Variants in BANK1 observed in about 807,000 individuals in gnomAD.
BANK1 encodes the protein B-cell scaffold protein with ankyrin repeats.
In BANK1, 95 loss-of-function variants were observed where a neutral mutation model predicts 94.5. That is an observed-to-expected ratio of 1.00 (90% CI 0.85 to 1.19). The LOEUF (loss-of-function observed/expected upper bound fraction) is 1.19. Ranked by LOEUF, BANK1 falls within the 50% of genes most tolerant of loss-of-function variation. The pLI, the probability that BANK1 is intolerant of heterozygous loss-of-function variation, is 0.00. For synonymous variants in BANK1, 334 were observed against 308.4 expected (o/e 1.08, Z -0.87); for missense variants, 987 against 932.2 (o/e 1.06, Z -0.77).
chr4:102,012,090 A>G (rs1470589296), intron 7 of BANK1, among the ~76,000 whole-genome samples: 1 of 152,194 alleles, frequency 6.6e-6, no homozygotes, highest in Non-Finnish European at 1.5e-5. Context: ...TTAATGATAC[A>G]TGCATTCTTA....
chr4:102,073,666 ATCTT>A lies in BANK1; in HGVS notation c.2299-16_2299-13del. On this transcript the variant is annotated splice_polypyrimidine_tract_variant and intron_variant, in intron 15 of 16. Transcript: ENST00000322953. ...ACAAATCGAGAAATACTAGCTCTAT[ATCTT>A]TATTTTTTTTCAGCTTCCTGCTCGA... The A allele has an allele frequency of 6.2e-7, 1 of 1,607,354 alleles. No homozygotes were observed. Among genetic ancestry groups the A allele is most frequent in the Non-Finnish European group, 8.5e-7 (1 of 1,175,838 alleles).
At chr4:101,912,267 C>T (rs1434896609) in intron 6 of BANK1, among the ~76,000 whole-genome samples, 1 of 152,110 alleles carries the variant, frequency 6.6e-6, no homozygotes, top group Admixed American at 6.6e-5. Context: ...CCTCCCCTTT[C>T]TAAAAGGACC....
In BANK1 at chr4:102,035,118, T is replaced by G. The variant is rs183712870; in HGVS notation, c.1900+4853T>G. 3.2e-3 allele frequency among the ~76,000 whole-genome samples: 489 copies of G among 152,320 alleles called. 1 individual carries two copies. The highest frequency in any genetic ancestry group is 4.8e-3 in the Non-Finnish European group (327 of 68,026). The stretch of plus-strand genomic sequence containing the variant: ...AGAACAGAAGACTTCATTAACACTC[T>G]GGAATCAGAAGACTATATCAGTCTA... On this transcript the variant is annotated intron_variant, in intron 10 of 16. Coordinates refer to ENST00000322953, the MANE Select transcript of BANK1 (RefSeq NM_017935.5).
chr4:101,979,156 A>G (rs1347472345), intron 7 of BANK1, among the ~76,000 whole-genome samples: 1 of 152,018 alleles, frequency 6.6e-6, no homozygotes, highest in Non-Finnish European at 1.5e-5. Flanking sequence ...AATTTAAGAT[A>G]AAGTTTGCAA....
chr4:101,831,803 C>G (rs542231172), intron 2 of BANK1, among the ~76,000 whole-genome samples: 1 of 152,258 alleles, frequency 6.6e-6, no homozygotes, highest in East Asian at 1.9e-4. Context: ...ACAAGTTTCT[C>G]TAAATTTTAG....
chr4:101,877,587 T>C (rs1397946402), intron 5 of BANK1, among the ~76,000 whole-genome samples: 2 of 152,160 alleles, frequency 1.3e-5, no homozygotes, highest in African/African-American at 2.4e-5. Context: ...CGTATGTTTG[T>C]TAGTATTAAA....
At chr4:101,807,806 C>T (rs572336090) in intron 1 of BANK1, among the ~76,000 whole-genome samples, 8 of 152,124 alleles carry the variant, frequency 5.3e-5, no homozygotes, top group African/African-American at 1.4e-4. Flanking sequence ...CAGGGCCGGG[C>T]GTGGTGGCTC....
intron 7 of BANK1, among the ~76,000 whole-genome samples, chr4:101,969,804 C>T (rs1724894094): frequency 6.6e-6 from 1 of 152,058 alleles, no homozygotes; most frequent in Admixed American, 6.6e-5. Context: ...CCCCGCTCCA[C>T]ACCAGCAAAG....
chr4:101,879,516 C>T (rs894788994), intron 5 of BANK1, among the ~76,000 whole-genome samples: 1 of 151,932 alleles, frequency 6.6e-6, no homozygotes, highest in Non-Finnish European at 1.5e-5. Context: ...ATAGCAAATA[C>T]TTAAAGAAGG....
rs10542109 is a variant in BANK1 at position 101,847,198 on chromosome 4, AGTGTGTGTGTGTGTGT to A, written c.470-7814_470-7799del. Among the ~76,000 whole-genome samples, 121 of 147,824 alleles carry A rather than the reference AGTGTGTGTGTGTGTGT, an allele frequency of 8.2e-4. 1 individual carries two copies. The highest frequency in any genetic ancestry group is 1.1e-3 in the Non-Finnish European group (75 of 66,882). Reference sequence around the variant, plus strand: ...TATTGCCTGCCTCTTGGGTTGGCAGAGTGTGTGTGTGTGTGTGTGTGTGTGTGTGTGTGTGTGTATG... The same window carrying A: ...TATTGCCTGCCTCTTGGGTTGGCAGAGTGTGTGTGTGTGTGTGTGTGTATG... On this transcript the variant is annotated intron_variant, in intron 2 of 16. Transcript: ENST00000322953.
At chr4:101,867,176 T>TAAAAAAAAAAAAAAAAAAAAAAAATA (rs754806525) in intron 4 of BANK1, among the ~76,000 whole-genome samples, 1 of 33,378 alleles carries the variant, frequency 3.0e-5, no homozygotes, top group Non-Finnish European at 5.7e-5. Context: ...AAAAAAAATT[T>TAAAAAAAAAAAAAAAAAAAAAAAATA]AAAAAAAAAA....
chr4:101,953,569 G>A (rs1724242850), intron 7 of BANK1, among the ~76,000 whole-genome samples: 1 of 151,858 alleles, frequency 6.6e-6, no homozygotes, highest in African/African-American at 2.4e-5. Context: ...GTGTTTCAAA[G>A]TAGGGTGCAC....
intron 7 of BANK1, among the ~76,000 whole-genome samples, chr4:102,001,328 G>A (rs996282631): frequency 6.6e-6 from 1 of 152,172 alleles, no homozygotes; most frequent in African/African-American, 2.4e-5. Flanking sequence ...TGGGCTGGGC[G>A]CAGTGGCTCA....
intron 5 of BANK1, among the ~76,000 whole-genome samples, chr4:101,890,053 T>G (rs1296713953): frequency 6.6e-6 from 1 of 152,126 alleles, no homozygotes; most frequent in East Asian, 1.9e-4. Context: ...TTATTCTAAA[T>G]TTGTTAATAT....
chr4:101,954,922 G>A, intron 7 of BANK1, among the ~76,000 whole-genome samples: 1 of 152,112 alleles, frequency 6.6e-6, no homozygotes, highest in Non-Finnish European at 1.5e-5. Context: ...CAGAGAGCAA[G>A]GTATGGCTTG....
chr4:101,965,777 C>A (rs889119642), intron 7 of BANK1, among the ~76,000 whole-genome samples: 2 of 152,044 alleles, frequency 1.3e-5, no homozygotes, highest in African/African-American at 2.4e-5. Flanking sequence ...TTTCTGTTTG[C>A]CAATATGTCA....
chr4:102,025,792 C>CTCTT (rs72093424), intron 9 of BANK1, among the ~76,000 whole-genome samples: 2 of 151,924 alleles, frequency 1.3e-5, no homozygotes, highest in East Asian at 1.9e-4. Context: ...CTCTGTTTCT[C>CTCTT]TCTTTCTTTC....
chr4:101,989,453 A>G (rs1020265036), intron 7 of BANK1, among the ~76,000 whole-genome samples: 4 of 150,210 alleles, frequency 2.7e-5, no homozygotes, highest in Non-Finnish European at 4.4e-5. Context: ...AAAAAAAAAA[A>G]GCTTTTCTTG....
intron 11 of BANK1, among the ~76,000 whole-genome samples, chr4:102,057,999 T>A (rs1304895452): frequency 1.3e-5 from 2 of 152,190 alleles, no homozygotes; most frequent in Non-Finnish European, 2.9e-5. Context: ...TATAATTTTG[T>A]ATCCTGCTTT....
Sources: allele counts gnomAD v4.1 joint callset (sites outside exome capture counted in the v4.1 genomes callset), GRCh38; gene constraint gnomAD v4.1.1; transcripts MANE v1.5; gene names NCBI Gene and HGNC (gene_info 2026-07-23, HGNC 2026-07-21).